Variants in LRRC73 observed in about 807,000 individuals in gnomAD.
LRRC73 encodes leucine rich repeat containing 73, also known as leucine-rich repeat-containing protein 73.
LRRC73 carries 16 observed loss-of-function variants against 26.4 expected under a neutral mutation model. The observed-to-expected ratio is 0.61, with a 90% confidence interval of 0.41 to 0.92. LRRC73 has a LOEUF of 0.92. LRRC73 is among the 40% of genes least tolerant of loss of function. The pLI is 0.00. For synonymous variants in LRRC73, 210 were observed against 179.8 expected (o/e 1.17, Z -1.34); for missense variants, 344 against 416.3 (o/e 0.83, Z 1.51).
At chr6:43,509,751 G>T in exon 1 of LRRC73, 1 of 1,584,894 alleles carries the variant, frequency 6.3e-7, no homozygotes, top group Non-Finnish European at 8.5e-7. Flanking sequence ...GCCGGACAGC[G>T]GCTCCCCCGA....
chr6:43,509,698 CG>C lies in LRRC73; in HGVS notation c.87del (p.Val30CysfsTer68). On this transcript the variant is annotated frameshift_variant, in exon 1 of 6. Coordinates refer to ENST00000372441, the Ensembl canonical transcript of LRRC73. LOFTEE classifies it high-confidence loss of function. ...CAGCCGCGCAGTGAGAGCAGGCGCA[CG>C]GCGTTGTCGCGAAGGCCGCGGCAGA... The C allele has an allele frequency of 6.3e-7, 1 of 1,590,948 alleles. No individual in the cohort carries two copies. The highest frequency in any genetic ancestry group is 1.7e-5 in the Admixed American group (1 of 58,484).
At chr6:43,508,992 TTC>T (rs1232840420) in intron 1 of LRRC73, 72 bp from the exon 2 acceptor site, 15 of 1,420,706 alleles carry the variant, frequency 1.1e-5, no homozygotes, top group African/African-American at 1.4e-5. Context: ...GCACTTTCAC[TTC>T]TGTCAGCCCT....
In LRRC73 at chr6:43,509,609, C is replaced by A. The variant is rs369455086; in HGVS notation, c.177G>T (p.Ala59=). The A allele has an allele frequency of 5.0e-6, 8 of 1,606,226 alleles. No homozygotes were observed. The African/African-American group carries it at 9.4e-5, about 19-fold the overall frequency. Reference sequence around the variant, plus strand: ...CGACGCCCAGGTTAAGGTTGAGCTGCGCCAGGGACGTGGCCCCGGCCAGGG... The same window carrying A: ...CGACGCCCAGGTTAAGGTTGAGCTGAGCCAGGGACGTGGCCCCGGCCAGGG... The change falls in exon 1 of 6, where the codon GCG becomes GCT. Residue 59 remains alanine (A), a synonymous_variant. Transcript: ENST00000372441.
chr6:43,507,713 C>T (rs887444144), intron 4 of LRRC73, 35 bp from the exon 5 acceptor site: 3 of 1,605,852 alleles, frequency 1.9e-6, no homozygotes, highest in Non-Finnish European at 2.6e-6. Flanking sequence ...AGGATGAACA[C>T]AGTTAAGGCA....
exon 1 of LRRC73, chr6:43,509,935 T>G (rs943662767): frequency 1.0e-4 from 54 of 539,990 alleles, no homozygotes; most frequent in African/African-American, 9.3e-4. Context: ...TGGCGGAGGC[T>G]GCGGCTGCGG....
chr6:43,508,887 C>A (rs1792583384), exon 2 of LRRC73: 1 of 1,611,034 alleles, frequency 6.2e-7, no homozygotes, highest in African/African-American at 1.3e-5. Flanking sequence ...TCAGCAAGGC[C>A]AGCCCCGCAT....
rs112190503 is a variant in LRRC73, at chr6:43,507,574, G to C, written c.762C>G (p.Leu254=). The C allele has an allele frequency of 8.1e-6, 13 of 1,614,058 alleles. No individual in the cohort carries two copies. The African/African-American group carries it at 1.1e-4, about 13-fold the overall frequency. ...CTTCCTCCTCCTCCTCTCCCTCAGAGAGGAGGTCACAGATCTGTTGCTGCA... is the reference window on the plus strand; with the variant it reads ...CTTCCTCCTCCTCCTCTCCCTCAGACAGGAGGTCACAGATCTGTTGCTGCA... The change falls in exon 5 of 6, where the codon CTC becomes CTG. Residue 254 remains leucine (L), a synonymous_variant. Coordinates refer to ENST00000372441, the Ensembl canonical transcript of LRRC73.
At chr6:43,507,457 G>T in exon 5 of LRRC73, 1 of 1,612,682 alleles carries the variant, frequency 6.2e-7, no homozygotes, top group African/African-American at 1.3e-5. Context: ...GGTTCTTACC[G>T]CTGGGGCACA....
exon 1 of LRRC73, chr6:43,509,948 G>C: frequency 2.0e-6 from 1 of 491,732 alleles, no homozygotes; most frequent in Non-Finnish European, 3.1e-6. Flanking sequence ...GGCTGCGGCG[G>C]AGGCTGCGGC....
At chr6:43,508,896 A>T in exon 2 of LRRC73, 1 of 1,609,590 alleles carries the variant, frequency 6.2e-7, no homozygotes, top group Non-Finnish European at 8.5e-7. Context: ...CCAGCCCCGC[A>T]TCTGTCAGGG....
exon 1 of LRRC73, chr6:43,509,666 G>A (rs1298913815): frequency 1.3e-6 from 2 of 1,595,100 alleles, no homozygotes; most frequent in Non-Finnish European, 1.7e-6. Flanking sequence ...CGCGGTCGCA[G>A]AGGCGGCAGC....
chr6:43,507,883 A>G (rs1270579201), exon 4 of LRRC73: 1 of 1,613,790 alleles, frequency 6.2e-7, no homozygotes, highest in African/African-American at 1.3e-5. Context: ...CTAGGGTACG[A>G]CTAGAGGCCA....
chr6:43,508,186 C>T, intron 3 of LRRC73, 112 bp downstream of exon 3: 2 of 1,436,746 alleles, frequency 1.4e-6, no homozygotes, highest in East Asian at 2.4e-5. Flanking sequence ...CCTGGGGGCT[C>T]CCGTTTCTCT....
At chr6:43,509,450 G>A (rs2127681652) in intron 1 of LRRC73, 64 bp downstream of exon 1, 2 of 1,523,998 alleles carry the variant, frequency 1.3e-6, no homozygotes, top group East Asian at 2.3e-5. Flanking sequence ...AGGAACAGGA[G>A]GTGCCAGGGG....
At chr6:43,509,638 G>A in exon 1 of LRRC73, 1 of 1,600,900 alleles carries the variant, frequency 6.2e-7, no homozygotes, top group African/African-American at 1.3e-5. Context: ...GCCAGGGCCC[G>A]GCAGATGCGG....
exon 1 of LRRC73, chr6:43,509,780 C>T (rs1000546252): frequency 4.5e-6 from 7 of 1,543,906 alleles, no homozygotes; most frequent in Non-Finnish European, 6.1e-6. Context: ...TGGAGCTGGG[C>T]AGCATCGTGC....
intron 5 of LRRC73, 25 bp from the exon 6 acceptor site, chr6:43,507,333 A>T: frequency 6.2e-7 from 1 of 1,613,650 alleles, no homozygotes; most frequent in Non-Finnish European, 8.5e-7. Context: ...AGAAGTGTTC[A>T]GACCACCATT....
At chr6:43,509,043 G>C (rs1284237203) in intron 1 of LRRC73, 123 bp from the exon 2 acceptor site, 17 of 991,210 alleles carry the variant, frequency 1.7e-5, no homozygotes, top group Non-Finnish European at 2.2e-5. Context: ...GAGAGGCCTG[G>C]AAAAGGAGAA....
chr6:43,509,887 C>G, exon 1 of LRRC73: 1 of 1,121,340 alleles, frequency 8.9e-7, no homozygotes, highest in South Asian at 2.3e-5. Context: ...CGGCAGGGGT[C>G]GCGGGCGGAG....
Sources: allele counts gnomAD v4.1 joint callset, GRCh38; gene constraint gnomAD v4.1.1; transcripts MANE v1.5; gene names NCBI Gene and HGNC (gene_info 2026-07-23, HGNC 2026-07-21).